The following SRBD1 variants were observed in gnomAD, a reference collection of about 807,000 sequenced individuals.
SRBD1 encodes the protein S1 RNA-binding domain-containing protein 1.
In SRBD1, 88 loss-of-function variants were observed where a neutral mutation model predicts 115.3. The ratio of observed to expected loss-of-function variants is 0.76; its 90% CI spans 0.64 to 0.91. SRBD1 has a LOEUF of 0.91. SRBD1 is among the 40% of genes least tolerant of loss of function. The pLI, the probability that SRBD1 is intolerant of heterozygous loss-of-function variation, is 0.00. For synonymous variants in SRBD1, 509 were observed against 407.7 expected, an observed-to-expected ratio of 1.25 and a Z score of -2.99; for missense variants, 1,385 against 1,177.4, an observed-to-expected ratio of 1.18 and a Z score of -2.58.
chr2:45,489,742 A>G (rs1276608488), intron 14 of SRBD1, among the ~76,000 whole-genome samples: 1 of 152,142 alleles, frequency 6.6e-6, no homozygotes, highest in South Asian at 2.1e-4. Flanking sequence ...ATATAGCTGG[A>G]AAGGAACTGA....
At chr2:45,398,986 G>A (rs1572593020) in intron 19 of SRBD1, among the ~76,000 whole-genome samples, 1 of 152,008 alleles carries the variant, frequency 6.6e-6, no homozygotes, top group African/African-American at 2.4e-5. Flanking sequence ...TGTAGGAACT[G>A]TCTTAGAAAT....
At chr2:45,476,105 C>G (rs888224766) in intron 16 of SRBD1, among the ~76,000 whole-genome samples, 3 of 152,174 alleles carry the variant, frequency 2.0e-5, no homozygotes, top group African/African-American at 7.2e-5. Context: ...GTCTGAATGC[C>G]TTAGTCCAAC....
intron 16 of SRBD1, among the ~76,000 whole-genome samples, chr2:45,461,617 A>G (rs1417099039): frequency 6.6e-6 from 1 of 152,028 alleles, no homozygotes; most frequent in Non-Finnish European, 1.5e-5. Flanking sequence ...CTTCTCCCAT[A>G]ACTGACGCCG....
chr2:45,609,000 G>A (rs895660762), intron 1 of SRBD1, among the ~76,000 whole-genome samples: 3 of 151,902 alleles, frequency 2.0e-5, no homozygotes, highest in Admixed American at 6.6e-5. Context: ...TAGAGACGGG[G>A]TTCGTCACGT....
At position 45,438,049 on chromosome 2, in the gene SRBD1, A is replaced by G. The variant is rs190885210; in HGVS notation, c.2050-18155T>C. On this transcript the variant is annotated intron_variant, in intron 16 of 20. Transcript: ENST00000263736. The stretch of plus-strand genomic sequence containing the variant: ...GACTGATAATGATATGCATTCATCA[A>G]TTGTAACAAATGTGCCATTCTGGTG... Among the ~76,000 whole-genome samples the G allele has an allele frequency of 1.7e-3, 260 of 152,334 alleles. 1 individual carries two copies. The highest frequency in any genetic ancestry group is 6.8e-3 in the Middle Eastern group (2 of 294).
chr2:45,419,734 G>C (rs1046400968), intron 17 of SRBD1, 54 bp downstream of exon 17: 1 of 1,528,392 alleles, frequency 6.5e-7, no homozygotes, highest in Admixed American at 1.7e-5. Context: ...AGTTTGGACT[G>C]GACAGCCAGT....
intron 4 of SRBD1, among the ~76,000 whole-genome samples, chr2:45,593,006 T>C (rs915263517): frequency 2.0e-5 from 3 of 152,238 alleles, no homozygotes; most frequent in African/African-American, 4.8e-5. Flanking sequence ...AGAACTACCA[T>C]AGTTTTCACT....
At chr2:45,519,041 T>C (rs1242279648) in intron 14 of SRBD1, among the ~76,000 whole-genome samples, 1 of 150,936 alleles carries the variant, frequency 6.6e-6, no homozygotes, top group Non-Finnish European at 1.5e-5. Context: ...GCCTAGAAAA[T>C]TGGTAGGTAA....
At chr2:45,429,201 G>T (rs2103667612) in intron 16 of SRBD1, among the ~76,000 whole-genome samples, 1 of 152,208 alleles carries the variant, frequency 6.6e-6, no homozygotes, top group South Asian at 2.1e-4. Context: ...ATTTGCAGTT[G>T]AATTCCACCA....
At chr2:45,438,897 G>T (rs1357567990) in intron 16 of SRBD1, among the ~76,000 whole-genome samples, 1 of 151,800 alleles carries the variant, frequency 6.6e-6, no homozygotes, top group African/African-American at 2.4e-5. Flanking sequence ...ACCCTAAGAA[G>T]GACAAAAACA....
intron 19 of SRBD1, among the ~76,000 whole-genome samples, chr2:45,407,287 A>C (rs1288868903): frequency 1.3e-5 from 2 of 152,188 alleles, no homozygotes; most frequent in Admixed American, 6.5e-5. Flanking sequence ...AGCTAGCCTG[A>C]GCTATATTTT....
intron 15 of SRBD1, among the ~76,000 whole-genome samples, chr2:45,486,779 A>T (rs1394306668): frequency 6.6e-6 from 1 of 151,760 alleles, no homozygotes; most frequent in East Asian, 1.9e-4. Flanking sequence ...AATAAATTTT[A>T]AAAAGTGGGG....
chr2:45,477,287 T>C lies in SRBD1; in HGVS notation c.1967-212A>G, dbSNP rs150882062. ...TCATGAATTATGTCATCAGAACTCC[T>C]AGGCATTCTTGAACACAAAGTAGTT... On this transcript the variant is annotated intron_variant, in intron 15 of 20. Transcript: ENST00000263736. 6.9e-3 allele frequency among the ~76,000 whole-genome samples: 1,047 copies of C among 152,302 alleles called. 14 individuals carry two copies. Among genetic ancestry groups the C allele is most frequent in the African/African-American group, 0.024 (998 of 41,566 alleles).
intron 16 of SRBD1, among the ~76,000 whole-genome samples, chr2:45,450,629 C>T (rs146366911): frequency 1.3e-5 from 2 of 152,178 alleles, no homozygotes; most frequent in Admixed American, 6.5e-5. Context: ...TGACTATATA[C>T]GTCAATTAAA....
intron 4 of SRBD1, 59 bp from the exon 5 acceptor site, chr2:45,585,833 T>C: frequency 1.5e-6 from 2 of 1,358,230 alleles, no homozygotes; most frequent in Non-Finnish European, 2.0e-6. Flanking sequence ...CTATATCATG[T>C]ATAATTTAAA....
At chr2:45,543,986 A>G (rs940984520) in intron 14 of SRBD1, among the ~76,000 whole-genome samples, 1 of 152,194 alleles carries the variant, frequency 6.6e-6, no homozygotes, top group African/African-American at 2.4e-5. Context: ...CTGAAAGAAA[A>G]TGCCTAATAG....
chr2:45,589,343 G>A (rs1165791912), intron 4 of SRBD1, among the ~76,000 whole-genome samples: 2 of 152,156 alleles, frequency 1.3e-5, no homozygotes, highest in Non-Finnish European at 2.9e-5. Context: ...AAAACAGCAT[G>A]TGCCAGGCAA....
chr2:45,519,382 G>T (rs1391223410), intron 14 of SRBD1, among the ~76,000 whole-genome samples: 1 of 151,984 alleles, frequency 6.6e-6, no homozygotes, highest in Non-Finnish European at 1.5e-5. Flanking sequence ...ATTGGTCCAG[G>T]GAAACAAAAG....
intron 16 of SRBD1, among the ~76,000 whole-genome samples, chr2:45,451,539 T>C (rs914013011): frequency 1.3e-5 from 2 of 152,020 alleles, no homozygotes; most frequent in African/African-American, 4.8e-5. Context: ...ACACATCACT[T>C]TTCTTTGAGA....
Sources: gnomAD v4.1 joint callset for allele counts (sites outside exome capture counted in the v4.1 genomes callset) on GRCh38, gnomAD v4.1.1 for gene constraint, MANE v1.5 for transcripts, NCBI Gene and HGNC (gene_info 2026-07-23, HGNC 2026-07-21) for gene names.